Variants in IBTK observed in about 807,000 individuals in gnomAD.
IBTK encodes the protein inhibitor of Bruton tyrosine kinase.
In IBTK, 83 loss-of-function variants were observed where a neutral mutation model predicts 154.9. The observed-to-expected ratio is 0.54, with a 90% CI of 0.45 to 0.64. IBTK has a LOEUF of 0.64. Ranked by LOEUF, IBTK falls within the 30% of genes least tolerant of loss-of-function variation. The pLI is 0.00. For synonymous variants in IBTK, 515 were observed against 536.1 expected, an observed-to-expected ratio of 0.96 and a Z score of 0.54; for missense variants, 1,332 against 1,584.6, an observed-to-expected ratio of 0.84 and a Z score of 2.71.
chr6:82,212,570 G>A (rs955580007), intron 13 of IBTK, 137 bp downstream of exon 13: 1 of 645,866 alleles, frequency 1.5e-6, no homozygotes, highest in African/African-American at 1.8e-5. Flanking sequence ...AACATTTCCA[G>A]AAATGCAGAA....
chr6:82,225,412 T>C lies in IBTK; in HGVS notation c.825+65A>G, dbSNP rs974941062. On this transcript the variant is annotated intron_variant, in intron 6 of 28. Transcript: ENST00000306270. ...TAAGTTGCTCTGTCAATAACTTACA[T>C]TTTTTTGTTCATACAGGTTTTATTG... 1.2e-5 allele frequency: 15 copies of C among 1,304,318 alleles called. No individual in the cohort carries two copies. In the East Asian group the frequency reaches 3.3e-4, roughly 29 times the overall value. The allele number at this position is 1,304,318 out of a possible 1,614,324, so 80.8% of individuals were successfully genotyped here.
At chr6:82,194,758 A>G in intron 22 of IBTK, 116 bp from the exon 23 acceptor site, 1 of 663,076 alleles carries the variant, frequency 1.5e-6, no homozygotes, top group Non-Finnish European at 2.2e-6. Flanking sequence ...TCTTATGACA[A>G]TAAGCCATCT....
chr6:82,236,416 A>C (rs565282393), intron 2 of IBTK, among the ~76,000 whole-genome samples: 1 of 152,212 alleles, frequency 6.6e-6, no homozygotes, highest in Non-Finnish European at 1.5e-5. Flanking sequence ...GGAAAAATTA[A>C]AGCAAGTTCT....
intron 6 of IBTK, among the ~76,000 whole-genome samples, chr6:82,224,668 T>A (rs1441164937): frequency 6.6e-6 from 1 of 152,206 alleles, no homozygotes; most frequent in Non-Finnish European, 1.5e-5. Flanking sequence ...AAAAGTAGAA[T>A]AAAGAATACT....
chr6:82,244,618 CAT>C (rs1021254058), intron 1 of IBTK, among the ~76,000 whole-genome samples: 5 of 152,324 alleles, frequency 3.3e-5, no homozygotes, highest in African/African-American at 4.8e-5. Flanking sequence ...CTACCGTACA[CAT>C]GATTATAAAT....
At chr6:82,218,736 T>C (rs1222077557) in intron 9 of IBTK, among the ~76,000 whole-genome samples, 3 of 152,170 alleles carry the variant, frequency 2.0e-5, no homozygotes, top group Non-Finnish European at 2.9e-5. Flanking sequence ...CAATCCACAG[T>C]AGCAATTGTT....
chr6:82,172,582 A>G (rs1767966047), intron 27 of IBTK, 70 bp from the exon 28 acceptor site: 15 of 1,419,166 alleles, frequency 1.1e-5, no homozygotes, highest in Non-Finnish European at 1.4e-5. Flanking sequence ...TCTCTGAAAT[A>G]CTTTTTAGCA....
chr6:82,175,318 T>C (rs537835647), intron 26 of IBTK, among the ~76,000 whole-genome samples: 1 of 152,326 alleles, frequency 6.6e-6, no homozygotes, highest in South Asian at 2.1e-4. Context: ...AGCCTTGTAG[T>C]AAGCCTGCAT....
chr6:82,195,426 A>G (rs527993152), intron 22 of IBTK, among the ~76,000 whole-genome samples: 2 of 152,042 alleles, frequency 1.3e-5, no homozygotes, highest in East Asian at 3.9e-4. Flanking sequence ...AAATATAAAA[A>G]AATTAGCTGG....
intron 11 of IBTK, among the ~76,000 whole-genome samples, chr6:82,215,780 C>CAAAAA (rs59634766): frequency 6.3e-4 from 51 of 81,250 alleles, no homozygotes; most frequent in East Asian, 1.5e-3. Flanking sequence ...GACTCCATCT[C>CAAAAA]AAAAAAAAAA....
intron 9 of IBTK, among the ~76,000 whole-genome samples, chr6:82,220,375 C>T (rs1157016607): frequency 6.6e-6 from 1 of 152,116 alleles, no homozygotes; most frequent in Non-Finnish European, 1.5e-5. Flanking sequence ...TATTGTGCAA[C>T]ATTAGATTAA....
chr6:82,186,458 T>C (rs928366919), intron 25 of IBTK, among the ~76,000 whole-genome samples: 1 of 152,156 alleles, frequency 6.6e-6, no homozygotes, highest in South Asian at 2.1e-4. Flanking sequence ...TAGTTTTACA[T>C]TAAGGTTTTT....
chr6:82,196,633 T>G (rs193199436), intron 21 of IBTK, among the ~76,000 whole-genome samples, 187 bp from the exon 22 acceptor site: 1 of 152,298 alleles, frequency 6.6e-6, no homozygotes, highest in Admixed American at 6.5e-5. Flanking sequence ...AGTGAAAAAC[T>G]GAAATGGAAG....
chr6:82,185,324 G>A (rs1213062283), intron 25 of IBTK, among the ~76,000 whole-genome samples: 1 of 151,386 alleles, frequency 6.6e-6, no homozygotes, highest in Non-Finnish European at 1.5e-5. Context: ...ACTTTCGGAG[G>A]TGGAGACAAG....
intron 18 of IBTK, among the ~76,000 whole-genome samples, chr6:82,201,957 C>T (rs1222092374): frequency 6.6e-6 from 1 of 152,052 alleles, no homozygotes; most frequent in Non-Finnish European, 1.5e-5. Flanking sequence ...AACTCCTGAC[C>T]TCAGGCGATC....
intron 9 of IBTK, 113 bp from the exon 10 acceptor site, chr6:82,218,250 A>G (rs779331702): frequency 1.7e-6 from 1 of 575,964 alleles, no homozygotes; most frequent in Non-Finnish European, 2.7e-6. Flanking sequence ...TCTCATTAGT[A>G]TGTTTCAATG....
intron 4 of IBTK, among the ~76,000 whole-genome samples, chr6:82,229,209 A>T (rs1185502119): frequency 6.6e-6 from 1 of 152,088 alleles, no homozygotes; most frequent in Non-Finnish European, 1.5e-5. Flanking sequence ...GGTAAATAAA[A>T]TCCCTTAGAT....
At chr6:82,229,856 T>C (rs1024554127) in intron 4 of IBTK, among the ~76,000 whole-genome samples, 25 of 152,214 alleles carry the variant, frequency 1.6e-4, no homozygotes, top group Admixed American at 2.6e-4. Context: ...CATTCCTATA[T>C]GGGTTTTTAT....
intron 4 of IBTK, among the ~76,000 whole-genome samples, chr6:82,227,762 T>A (rs1770348698): frequency 1.3e-5 from 2 of 152,056 alleles, no homozygotes; most frequent in Admixed American, 1.3e-4. Context: ...AATAAAGCCA[T>A]TTATACATGG....
Sources: allele counts gnomAD v4.1 joint callset (sites outside exome capture counted in the v4.1 genomes callset), GRCh38; gene constraint gnomAD v4.1.1; transcripts MANE v1.5; gene names NCBI Gene and HGNC (gene_info 2026-07-23, HGNC 2026-07-21).